MSN: variants seen among roughly 807,000 people sequenced by gnomAD.
The protein encoded by MSN is epididymis luminal protein 70.
Under a neutral mutation model 48.0 loss-of-function variants are expected in MSN, and 2 were observed. The ratio of observed to expected loss-of-function variants is 0.04; its 90% CI spans 0.02 to 0.13. MSN has a LOEUF of 0.13. MSN is among the 10% of genes least tolerant of loss of function. The probability of loss-of-function intolerance (pLI) is 1.00; values close to 1 mark genes in which losing one functional copy is unlikely to be tolerated. For missense variants in MSN, 267 were observed against 470.1 expected (o/e 0.57, Z 3.99); for synonymous variants, 146 against 166.9 (o/e 0.87, Z 0.97).
rs781376833 is a variant in MSN at position 65,621,053 on chromosome X, A to T, written c.-22+32441A>T. On this transcript the variant is annotated intron_variant, in intron 1 of 3. Transcript: ENST00000609672. ...CCATTATCCTCCTGAGTAGCTGGGA[A>T]TACAGGTGTGTGCCACCACGCCTGG... is the stretch of plus-strand genomic sequence containing the variant. Among the ~76,000 whole-genome samples the T allele has an allele frequency of 2.2e-4, 24 of 108,889 alleles. No individual in the cohort carries two copies. In the South Asian group the frequency reaches 9.5e-3, roughly 43 times the overall value. 94.6% of individuals were successfully genotyped at this position (108,889 alleles called of 115,157 possible). A position where few individuals can be genotyped will look rare whatever the true frequency, so the allele number is the denominator to read the frequency against.
At chrX:65,670,647 T>C (rs1156553285) in intron 1 of MSN, among the ~76,000 whole-genome samples, 1 of 107,376 alleles carries the variant, frequency 9.3e-6, no homozygotes, top group Non-Finnish European at 1.9e-5. Context: ...CGCTTGAACC[T>C]GGGAGGCGGA....
intron 1 of MSN, among the ~76,000 whole-genome samples, chrX:65,647,864 C>G (rs1260229459): frequency 8.9e-6 from 1 of 111,885 alleles, no homozygotes; most frequent in African/African-American, 3.2e-5. Flanking sequence ...ATCATAAAAG[C>G]ACAGGGGAGA....
In MSN at chrX:65,623,823, A is replaced by G. The variant is rs779563858; in HGVS notation, c.-22+35211A>G. Among the ~76,000 whole-genome samples the G allele has an allele frequency of 7.3e-5, 8 of 109,551 alleles. No homozygotes were observed. The Admixed American group carries it at 7.8e-4, about 11-fold the overall frequency. On this transcript the variant is annotated intron_variant, in intron 1 of 3. Coordinates refer to the MSN transcript ENST00000609672. ...GAGAAACTCCGTCTCAAAAAAAAAA[A>G]AAAAATTTTGGAATTTATAAGTGAA...
intron 1 of MSN, among the ~76,000 whole-genome samples, chrX:65,603,422 A>C (rs1184271486): frequency 8.9e-6 from 1 of 111,739 alleles, no homozygotes; most frequent in Non-Finnish European, 1.9e-5. Flanking sequence ...CTATTATTAG[A>C]TCCATTTAAT....
chrX:65,620,251 C>A (rs34549983), intron 1 of MSN, among the ~76,000 whole-genome samples: 4 of 112,589 alleles, frequency 3.6e-5, no homozygotes, highest in South Asian at 7.3e-4. Flanking sequence ...TGGAGCTTCC[C>A]GGCTGCTTTG....
chrX:65,601,538 A>G (rs1246760915), intron 1 of MSN, among the ~76,000 whole-genome samples: 2 of 112,719 alleles, frequency 1.8e-5, no homozygotes, highest in Non-Finnish European at 3.8e-5. Flanking sequence ...CACAGCCTCT[A>G]AATGCCTTAT....
chrX:65,655,294 G>T (rs778493950), intron 1 of MSN, among the ~76,000 whole-genome samples: 5 of 111,248 alleles, frequency 4.5e-5, no homozygotes, highest in African/African-American at 1.6e-4. Flanking sequence ...CTTATAATGA[G>T]ATCATGGCCA....
At position 65,738,585 on chromosome X, in the gene MSN, A is replaced by G. The variant is rs771213373; in HGVS notation, c.1312A>G (p.Lys438Glu). 1 of 1,209,510 alleles carries G rather than the reference A, an allele frequency of 8.3e-7. No individual in the cohort carries two copies. The highest frequency in any genetic ancestry group is 3.0e-5 in the East Asian group (1 of 33,732). The change falls in exon 11 of 13, where the codon AAG becomes GAG. Residue 438 changes from lysine to glutamate, a missense_variant. Physicochemically the swap from Lys to Glu is moderately conservative, Grantham distance 56 (BLOSUM62 1). Coordinates refer to ENST00000360270, the MANE Select transcript of MSN (RefSeq NM_002444.3). ...ISQLEMARQK[K>E]ESEAVEWQQK... is the part of the protein sequence containing the mutation. ...CCAGCTGGAGATGGCCCGACAGAAG[A>G]AGGAGAGTGAGGCTGTGGAGTGGCA...
At chrX:65,592,839 G>A (rs1363380702) in intron 1 of MSN, among the ~76,000 whole-genome samples, 1 of 110,304 alleles carries the variant, frequency 9.1e-6, no homozygotes, top group Non-Finnish European at 1.9e-5. Context: ...TCAGGAGTTC[G>A]AGACCAGCCT....
chrX:65,618,661 A>G (rs1372751924), intron 1 of MSN, among the ~76,000 whole-genome samples: 1 of 110,891 alleles, frequency 9.0e-6, no homozygotes, highest in African/African-American at 3.3e-5. Context: ...CTCTTTATCC[A>G]ATTTGCCAGT....
intron 1 of MSN, among the ~76,000 whole-genome samples, chrX:65,691,667 G>T (rs2147473964): frequency 9.0e-6 from 1 of 110,801 alleles, no homozygotes; most frequent in South Asian, 3.8e-4. Context: ...TCCACGCCTG[G>T]TTAATTTTTT....
Position 65,694,160 on chromosome X carries a change from A to T in MSN, c.13-22658A>T, listed in dbSNP as rs770643269. On this transcript the variant is annotated intron_variant, in intron 1 of 12. Coordinates refer to ENST00000360270, the MANE Select transcript of MSN (RefSeq NM_002444.3). Reference sequence around the variant, plus strand: ...GTTAAAAGAGCTCAAGAGTATGAGTATATCTAGGAGAGTACCTGGCATATT... The same window carrying T: ...GTTAAAAGAGCTCAAGAGTATGAGTTTATCTAGGAGAGTACCTGGCATATT... Among the ~76,000 whole-genome samples, 6 of 111,242 alleles carry T rather than the reference A, an allele frequency of 5.4e-5. No homozygotes were observed. The South Asian group carries it at 2.3e-3, about 42-fold the overall frequency.
intron 1 of MSN, among the ~76,000 whole-genome samples, chrX:65,660,110 C>A (rs757461958): frequency 9.0e-6 from 1 of 111,623 alleles, no homozygotes; most frequent in South Asian, 3.7e-4. Flanking sequence ...GAGACAGGGG[C>A]GTAACTGAGA....
intron 1 of MSN, among the ~76,000 whole-genome samples, chrX:65,687,341 C>G (rs1249475198): frequency 1.8e-5 from 2 of 111,340 alleles, no homozygotes; most frequent in South Asian, 3.7e-4. Flanking sequence ...GAGCGAGACT[C>G]TCTCAAAAAA....
intron 1 of MSN, among the ~76,000 whole-genome samples, chrX:65,636,759 A>C (rs1177603596): frequency 5.0e-5 from 5 of 100,629 alleles, no homozygotes; most frequent in African/African-American, 1.9e-4. Flanking sequence ...AAAAAAAAAA[A>C]AAAAAAAAAA....
chrX:65,677,161 T>A (rs2071008254), intron 1 of MSN, among the ~76,000 whole-genome samples: 1 of 111,572 alleles, frequency 9.0e-6, no homozygotes, highest in Admixed American at 9.6e-5. Flanking sequence ...TCAGCCTGGA[T>A]GTTTGATGAA....
At chrX:65,648,296 TAA>T (rs2148373261) in intron 1 of MSN, among the ~76,000 whole-genome samples, 1 of 112,324 alleles carries the variant, frequency 8.9e-6, no homozygotes, top group South Asian at 3.7e-4. Context: ...CTCACGCCTG[TAA>T]TCCCAGCACT....
chrX:65,626,284 T>A (rs1427541139), intron 1 of MSN, among the ~76,000 whole-genome samples: 1 of 112,314 alleles, frequency 8.9e-6, no homozygotes, highest in Non-Finnish European at 1.9e-5. Context: ...GTCCATTGTC[T>A]GGACTTCCTT....
chrX:65,737,405 T>C (rs2071689273), intron 10 of MSN, 67 bp downstream of exon 10: 2 of 1,115,815 alleles, frequency 1.8e-6, no homozygotes, highest in African/African-American at 1.8e-5. Flanking sequence ...TACTTACTTA[T>C]AGCTACTTTT....
Sources: allele counts gnomAD v4.1 joint callset (sites outside exome capture counted in the v4.1 genomes callset), GRCh38; gene constraint gnomAD v4.1.1; transcripts MANE v1.5; gene names NCBI Gene and HGNC (gene_info 2026-07-23, HGNC 2026-07-21).